Variants in DAPK1 observed in about 807,000 individuals in gnomAD.
The protein encoded by DAPK1 is death associated protein kinase 1, also known as death-associated protein kinase 1.
In DAPK1, 56 loss-of-function variants were observed where a neutral mutation model predicts 144.9. The ratio of observed to expected loss-of-function variants is 0.39; its 90% CI spans 0.31 to 0.48. DAPK1 has a LOEUF of 0.48. DAPK1 is among the 20% of genes least tolerant of loss of function. The pLI is 0.95. For missense variants in DAPK1, 1,454 were observed against 1,875.4 expected, an observed-to-expected ratio of 0.78 and a Z score of 4.15; for synonymous variants, 690 against 749.0, an observed-to-expected ratio of 0.92 and a Z score of 1.29.
chr9:87,632,314 T>C (rs1829722251), intron 3 of DAPK1: 1 of 980,632 alleles, frequency 1.0e-6, no homozygotes, highest in Non-Finnish European at 1.2e-6. Context: ...TGAAGGAAGA[T>C]GAGTATACAT....
chr9:87,678,515 G>A (rs1395737616), intron 19 of DAPK1, among the ~76,000 whole-genome samples: 1 of 152,206 alleles, frequency 6.6e-6, no homozygotes, highest in Non-Finnish European at 1.5e-5. Flanking sequence ...AGAAATCGGA[G>A]ACAGCACTCA....
At chr9:87,506,266 A>G (rs547358301) in intron 2 of DAPK1, among the ~76,000 whole-genome samples, 31 of 152,298 alleles carry the variant, frequency 2.0e-4, no homozygotes, top group African/African-American at 7.2e-4. Context: ...GCATGGAGAA[A>G]ATGGTTAGGG....
rs1447490985 is a variant in DAPK1, at chr9:87,605,152, G to A, written c.261G>A (p.Thr87=). ...TGCACGAGGTCTATGAGAACAAGAC[G>A]GACGTCATCCTGATCTTGGAACTGT... The part of the protein sequence containing the change: ...ITLHEVYENK[T]DVILILELVA... Residue 87 remains threonine (T), a synonymous_variant, in exon 3 of 26, where the codon ACG becomes ACA. Transcript: ENST00000408954. The A allele has an allele frequency of 2.6e-5, 42 of 1,613,734 alleles. No homozygotes were observed. The highest frequency in any genetic ancestry group is 5.3e-5 in the African/African-American group (4 of 74,906).
In DAPK1 at chr9:87,707,624, T is replaced by G. The variant is rs767622294; in HGVS notation, c.*260T>G. 1 of 533,352 alleles carries G rather than the reference T, an allele frequency of 1.9e-6. No homozygotes were observed. Among genetic ancestry groups the G allele is most frequent in the Non-Finnish European group, 3.4e-6 (1 of 297,542 alleles). 33.0% of individuals were successfully genotyped at this position (533,352 alleles called of 1,614,324 possible). A position where few individuals can be genotyped will look rare whatever the true frequency, so the allele number is the denominator to read the frequency against. On this transcript the variant is annotated 3_prime_UTR_variant, in exon 26 of 26. Coordinates refer to ENST00000408954, the MANE Select transcript of DAPK1 (RefSeq NM_004938.4). The surrounding 1 kb of genome is among the most constrained non-coding windows in gnomAD (Gnocchi z 4.0). ...CCGCTTGAAAAGCTAGTGTACCTCCTCTCAGTGTTTTGGACTCCATCTCTC... is the reference window on the plus strand; with the variant it reads ...CCGCTTGAAAAGCTAGTGTACCTCCGCTCAGTGTTTTGGACTCCATCTCTC...
At chr9:87,586,182 G>A (rs1350328497) in intron 2 of DAPK1, among the ~76,000 whole-genome samples, 1 of 152,084 alleles carries the variant, frequency 6.6e-6, no homozygotes, top group Admixed American at 6.6e-5. Flanking sequence ...CAGCTACTTG[G>A]GAGGCTGAGG....
chr9:87,529,875 A>G (rs952382215), intron 2 of DAPK1, among the ~76,000 whole-genome samples: 4 of 148,944 alleles, frequency 2.7e-5, no homozygotes, highest in Middle Eastern at 3.4e-3. Flanking sequence ...ATTTCCTCCT[A>G]CTCACCTCTG....
intron 19 of DAPK1, among the ~76,000 whole-genome samples, chr9:87,671,006 CA>C (rs1831231830): frequency 6.6e-6 from 1 of 152,126 alleles, no homozygotes; most frequent in South Asian, 2.1e-4. Context: ...AGTCTGAAAA[CA>C]GTGAAGGAAT....
At chr9:87,550,174 T>C (rs1039476223) in intron 2 of DAPK1, among the ~76,000 whole-genome samples, 2 of 152,208 alleles carry the variant, frequency 1.3e-5, no homozygotes, top group Non-Finnish European at 2.9e-5. Flanking sequence ...TCTTGCCCCT[T>C]CTCAATCATT....
chr9:87,611,835 T>C (rs574165252), intron 3 of DAPK1, among the ~76,000 whole-genome samples: 9 of 152,342 alleles, frequency 5.9e-5, no homozygotes, highest in African/African-American at 2.2e-4. Flanking sequence ...ATGCGGATGC[T>C]GCTGGTCTGG....
chr9:87,657,458 G>A (rs1830666752), intron 17 of DAPK1: 1 of 156,644 alleles, frequency 6.4e-6, no homozygotes, highest in Admixed American at 6.0e-5. Context: ...GCAGGGTGGT[G>A]CAGTCTAATG....
Position 87,628,995 on chromosome 9 carries a change from G to A in DAPK1, c.285-8948G>A, listed in dbSNP as rs75801650. On this transcript the variant is annotated intron_variant, in intron 3 of 25. Transcript: ENST00000408954. ...TAATATTTTGCTTGCAGCTTGCAAG[G>A]AGTTATTACTTATTATGGGTTGGAT... Among the ~76,000 whole-genome samples, 994 of 152,232 alleles carry A rather than the reference G, an allele frequency of 6.5e-3. 8 individuals are homozygous for A. Among genetic ancestry groups the A allele is most frequent in the African/African-American group, 0.021 (886 of 41,512 alleles).
rs578230741 is a variant in DAPK1 at position 87,545,610 on chromosome 9, G to T, written c.62+46471G>T. 2.0e-5 allele frequency among the ~76,000 whole-genome samples: 3 copies of T among 152,234 alleles called. No homozygotes were observed. In the East Asian group the frequency reaches 5.8e-4, roughly 29 times the overall value. The stretch of plus-strand genomic sequence containing the variant: ...CACCCAGGCTGGAGTGCAATAGCGG[G>T]ATCTTGGCTCACTGCAACCTCTGCC... On this transcript the variant is annotated intron_variant, in intron 2 of 25. Coordinates refer to ENST00000408954, the MANE Select transcript of DAPK1 (RefSeq NM_004938.4).
intron 17 of DAPK1, among the ~76,000 whole-genome samples, chr9:87,655,165 A>G (rs1830588810): frequency 6.6e-6 from 1 of 152,144 alleles, no homozygotes; most frequent in South Asian, 2.1e-4. Context: ...ACCCCTTGGA[A>G]TTAGCAGCAA....
At chr9:87,641,898 C>A in intron 9 of DAPK1, 71 bp from the exon 10 acceptor site, 1 of 1,279,600 alleles carries the variant, frequency 7.8e-7, no homozygotes, top group Non-Finnish European at 1.1e-6. Flanking sequence ...GGAGATGTTT[C>A]AAAAAATTGT....
intron 2 of DAPK1, among the ~76,000 whole-genome samples, chr9:87,535,296 A>T (rs1384386286): frequency 6.6e-6 from 1 of 152,242 alleles, no homozygotes; most frequent in East Asian, 1.9e-4. Context: ...GCAGAAAATC[A>T]GCACAGAGAT....
intron 2 of DAPK1, among the ~76,000 whole-genome samples, chr9:87,509,215 G>A (rs996131001): frequency 1.3e-5 from 2 of 152,160 alleles, no homozygotes; most frequent in Non-Finnish European, 2.9e-5. Context: ...TGCTCATGTT[G>A]GAGATGCTGA....
chr9:87,642,135 T>C, intron 10 of DAPK1, 77 bp downstream of exon 10: 1 of 1,103,432 alleles, frequency 9.1e-7, no homozygotes, highest in Non-Finnish European at 1.4e-6. Context: ...GTGCATCTCC[T>C]CTGATACTGG....
intron 2 of DAPK1, among the ~76,000 whole-genome samples, chr9:87,595,612 C>T (rs1016662280): frequency 1.3e-5 from 2 of 152,218 alleles, no homozygotes; most frequent in South Asian, 2.1e-4. Context: ...CAAACCAGTG[C>T]GTGGAGCCCG....
In DAPK1 at chr9:87,648,845, G is replaced by T; in HGVS notation, c.1394G>T (p.Cys465Phe). Residue 465 changes from cysteine to phenylalanine, a missense_variant, in exon 15 of 26, where the codon TGC becomes TTC. This residue lies in a region of DAPK1 where 429 missense variants were observed against 637.5 expected (regional missense o/e 0.67). Transcript: ENST00000408954. Reference sequence around the variant, plus strand: ...CATGCTGACGTGGCTCAGTTACTGTGCAGCTTCGGCTCAAATCCCAATATC... The same window carrying T: ...CATGCTGACGTGGCTCAGTTACTGTTCAGCTTCGGCTCAAATCCCAATATC... ...YGHADVAQLL[C>F]SFGSNPNIQD... The T allele has an allele frequency of 6.2e-7, 1 of 1,614,246 alleles. No individual in the cohort carries two copies. Among genetic ancestry groups the T allele is most frequent in the East Asian group, 2.2e-5 (1 of 44,886 alleles).
Sources: allele counts gnomAD v4.1 joint callset (sites outside exome capture counted in the v4.1 genomes callset), GRCh38; gene constraint gnomAD v4.1.1; regional missense constraint gnomAD v4.1.1; non-coding constraint Gnocchi (gnomAD v3.1); transcripts MANE v1.5; gene names NCBI Gene and HGNC (gene_info 2026-07-23, HGNC 2026-07-21).